Variants in PRR16 observed in about 807,000 individuals in gnomAD.
PRR16 encodes the protein proline rich 16.
Under a neutral mutation model 18.2 loss-of-function variants are expected in PRR16, and 6 were observed. That is an observed-to-expected ratio of 0.33 (90% CI 0.18 to 0.65). The LOEUF (loss-of-function observed/expected upper bound fraction) is 0.65. PRR16 is among the 30% of genes least tolerant of loss of function. The pLI is 0.74. For synonymous variants in PRR16, 151 were observed against 147.8 expected (o/e 1.02, Z -0.16); for missense variants, 412 against 376.6 (o/e 1.09, Z -0.78).
intron 1 of PRR16, among the ~76,000 whole-genome samples, chr5:120,527,766 G>A (rs1042289608): frequency 7.9e-5 from 12 of 152,150 alleles, no homozygotes; most frequent in African/African-American, 2.4e-5. Context: ...CTATTTGAGT[G>A]TTCCCAGATA....
chr5:120,558,972 C>T (rs1221114694), intron 1 of PRR16, among the ~76,000 whole-genome samples: 2 of 151,830 alleles, frequency 1.3e-5, no homozygotes, highest in Non-Finnish European at 2.9e-5. Flanking sequence ...AAATATTTTG[C>T]CCATTTTAAT....
At chr5:120,708,670 A>G in the PRR16 span, among the ~76,000 whole-genome samples, 1 of 152,194 alleles carries the variant, frequency 6.6e-6, no homozygotes, top group Non-Finnish European at 1.5e-5. Context: ...AAAGAAAGAT[A>G]TTTGTGGATT....
At chr5:120,603,266 A>T (rs1331920610) in intron 1 of PRR16, among the ~76,000 whole-genome samples, 3 of 152,008 alleles carry the variant, frequency 2.0e-5, no homozygotes, top group African/African-American at 7.2e-5. Flanking sequence ...TCAAGATATG[A>T]GTTTGTTCCT....
At chr5:120,699,574 G>A in the PRR16 span, among the ~76,000 whole-genome samples, 1 of 152,174 alleles carries the variant, frequency 6.6e-6, no homozygotes, top group Non-Finnish European at 1.5e-5. Flanking sequence ...CAGGTATGAG[G>A]AAGAAAATAG....
intron 1 of PRR16, among the ~76,000 whole-genome samples, chr5:120,582,417 G>A (rs1192199014): frequency 6.6e-6 from 1 of 151,780 alleles, no homozygotes; most frequent in African/African-American, 2.4e-5. Flanking sequence ...ATATACCTGT[G>A]TAACAAACAT....
intron 1 of PRR16, among the ~76,000 whole-genome samples, chr5:120,575,391 GAAAAAA>G (rs1282609713): frequency 1.6e-4 from 23 of 144,362 alleles, no homozygotes; most frequent in African/African-American, 5.4e-4. Flanking sequence ...GAACATAGAT[GAAAAAA>G]ATCCTCAACA....
chr5:120,778,790 T>C, the PRR16 span, among the ~76,000 whole-genome samples: 1 of 152,180 alleles, frequency 6.6e-6, no homozygotes, highest in East Asian at 1.9e-4. Context: ...TGTCATTTAT[T>C]TGAAAGCCAG....
At chr5:120,794,536 C>T in the PRR16 span, among the ~76,000 whole-genome samples, 206 of 152,162 alleles carry the variant, frequency 1.4e-3, no homozygotes, top group Non-Finnish European at 1.9e-3. Context: ...CCAAGGATGA[C>T]GCCCATATAA....
At chr5:120,491,932 A>G (rs1750066328) in intron 1 of PRR16, among the ~76,000 whole-genome samples, 1 of 152,090 alleles carries the variant, frequency 6.6e-6, no homozygotes, top group African/African-American at 2.4e-5. Flanking sequence ...AAATCATACA[A>G]CTTTGATAAC....
chr5:120,561,146 T>A (rs574589377), intron 1 of PRR16, among the ~76,000 whole-genome samples: 11 of 152,122 alleles, frequency 7.2e-5, no homozygotes, highest in African/African-American at 2.6e-4. Flanking sequence ...TATTCCTTTT[T>A]CTCTACTAAT....
chr5:120,740,678 C>G, the PRR16 span, among the ~76,000 whole-genome samples: 1 of 152,016 alleles, frequency 6.6e-6, no homozygotes, highest in East Asian at 1.9e-4. Context: ...TATTCTTAAA[C>G]CTTCTCATTT....
chr5:120,771,422 A>G, the PRR16 span, among the ~76,000 whole-genome samples: 2 of 152,058 alleles, frequency 1.3e-5, no homozygotes, highest in African/African-American at 4.8e-5. Context: ...ACTATACACA[A>G]AAGCAGATGT....
intron 1 of PRR16, among the ~76,000 whole-genome samples, chr5:120,629,661 C>T (rs1754990324): frequency 6.6e-6 from 1 of 152,088 alleles, no homozygotes; most frequent in African/African-American, 2.4e-5. Context: ...TATGCCTTCA[C>T]ACACCTTTCT....
the PRR16 span, among the ~76,000 whole-genome samples, chr5:120,733,923 A>G: frequency 6.6e-6 from 1 of 152,214 alleles, no homozygotes; most frequent in African/African-American, 2.4e-5. Context: ...CATACTTAAA[A>G]GTTACATTTA....
chr5:120,632,121 C>A (rs1452754737), intron 1 of PRR16, among the ~76,000 whole-genome samples: 2 of 152,090 alleles, frequency 1.3e-5, no homozygotes, highest in Non-Finnish European at 2.9e-5. Flanking sequence ...GATGGCTAGG[C>A]CCAGAAGAAC....
rs1301556461 is a variant in PRR16 at position 120,464,318 on chromosome 5, T to C, written c.-169T>C. On this transcript the variant is annotated 5_prime_UTR_variant, in exon 1 of 2. Coordinates refer to ENST00000407149, the MANE Select transcript of PRR16 (RefSeq NM_001300783.2). ...TCTCGGGAGTTGATGGCAGCACCAC[T>C]GTGCGGCCGCCCGGCCGAGCGCGGA... 9 of 627,716 alleles carry C rather than the reference T, an allele frequency of 1.4e-5. No homozygotes were observed. The East Asian group carries it at 3.2e-4, about 23-fold the overall frequency. 38.9% of individuals were successfully genotyped at this position (627,716 alleles called of 1,614,324 possible).
the PRR16 span, among the ~76,000 whole-genome samples, chr5:120,745,865 A>ATTTTTTTTTTTTTTTTTTTT: frequency 7.8e-6 from 1 of 127,494 alleles, no homozygotes; most frequent in South Asian, 2.6e-4. Flanking sequence ...CGCCCGGGTA[A>ATTTTTTTTTTTTTTTTTTTT]TTTTTTTTTT....
At chr5:120,526,645 T>C (rs972032700) in intron 1 of PRR16, among the ~76,000 whole-genome samples, 16 of 152,164 alleles carry the variant, frequency 1.1e-4, no homozygotes, top group Non-Finnish European at 2.2e-4. Context: ...CAAAATAATA[T>C]TGTCTGGAAG....
rs1757119113 is a variant in PRR16, at chr5:120,686,277, T to G, written c.483T>G (p.Gly161=). The part of the protein sequence containing the change: ...GTLLRNGGLP[G]GPNKIPNGDI... ...TTCTACGAAATGGAGGCTTACCAGGTGGACCTAACAAAATTCCAAATGGAG... is the reference window on the plus strand; with the variant it reads ...TTCTACGAAATGGAGGCTTACCAGGGGGACCTAACAAAATTCCAAATGGAG... Residue 161 remains glycine, a synonymous_variant, in exon 2 of 2, where the codon GGT becomes GGG. Transcript: ENST00000407149. The G allele has an allele frequency of 1.2e-6, 2 of 1,613,960 alleles. No homozygotes were observed. The highest frequency in any genetic ancestry group is 2.7e-5 in the African/African-American group (2 of 74,886).
Sources: gnomAD v4.1 joint callset for allele counts (sites outside exome capture counted in the v4.1 genomes callset) on GRCh38, gnomAD v4.1.1 for gene constraint, MANE v1.5 for transcripts, NCBI Gene and HGNC (gene_info 2026-07-23, HGNC 2026-07-21) for gene names.